Variants in CSMD1 observed in about 807,000 individuals in gnomAD.
CSMD1 encodes the protein CUB and sushi domain-containing protein 1.
Under a neutral mutation model 417.5 loss-of-function variants are expected in CSMD1, and 213 were observed. The observed-to-expected ratio is 0.51, with a 90% CI of 0.46 to 0.57. CSMD1 has a LOEUF of 0.57. CSMD1 is among the 20% of genes least tolerant of loss of function. CSMD1 has a pLI of 0.00. For missense variants in CSMD1, 6,923 were observed against 4,529.7 expected, an observed-to-expected ratio of 1.53 and a Z score of -15.17; for synonymous variants, 2,862 against 1,736.8, an observed-to-expected ratio of 1.65 and a Z score of -16.11.
At chr8:3,994,393 C>T (rs919118350) in intron 5 of CSMD1, among the ~76,000 whole-genome samples, 1 of 140,404 alleles carries the variant, frequency 7.1e-6, no homozygotes, top group Non-Finnish European at 1.5e-5. Context: ...AATTTTCTTT[C>T]TTCTTGATAT....
chr8:4,979,151 A>C (rs974036889), intron 1 of CSMD1, among the ~76,000 whole-genome samples: 2 of 152,182 alleles, frequency 1.3e-5, no homozygotes, highest in African/African-American at 4.8e-5. Context: ...TATTCAAGCT[A>C]AATTTCATGT....
intron 5 of CSMD1, among the ~76,000 whole-genome samples, chr8:3,906,961 A>G (rs1426980807): frequency 6.6e-6 from 1 of 152,224 alleles, no homozygotes; most frequent in Non-Finnish European, 1.5e-5. Flanking sequence ...AATACCAGTT[A>G]TCAGACAACT....
At chr8:4,661,618 A>C (rs1336047254) in intron 1 of CSMD1, among the ~76,000 whole-genome samples, 2 of 152,192 alleles carry the variant, frequency 1.3e-5, no homozygotes, top group East Asian at 3.9e-4. Context: ...TGGCTTTGCA[A>C]GATGTTACCG....
chr8:4,193,563 A>C (rs1320427962), intron 3 of CSMD1, among the ~76,000 whole-genome samples: 1 of 152,084 alleles, frequency 6.6e-6, no homozygotes, highest in Non-Finnish European at 1.5e-5. Context: ...AGGCTGTGGG[A>C]AAACAAATGA....
intron 25 of CSMD1, among the ~76,000 whole-genome samples, chr8:3,285,821 G>GTA (rs752990851): frequency 0.02 from 2,918 of 148,852 alleles, 37 homozygotes; most frequent in East Asian, 0.03. Flanking sequence ...CCCCATTTGT[G>GTA]TATATATATA....
chr8:3,644,377 G>C (rs556342119), intron 7 of CSMD1, among the ~76,000 whole-genome samples: 15 of 152,312 alleles, frequency 9.8e-5, no homozygotes, highest in Admixed American at 9.1e-4. Context: ...GCAGGTGCGA[G>C]TGAGACCCTG....
Position 2,962,716 on chromosome 8 carries a change from TTC to T in CSMD1, c.9455-79_9455-78del, listed in dbSNP as rs1803606243. The T allele has an allele frequency of 2.9e-5, 42 of 1,431,584 alleles. No individual in the cohort carries two copies. In the East Asian group the frequency reaches 9.4e-4, roughly 32 times the overall value. 88.7% of individuals were successfully genotyped at this position (1,431,584 alleles called of 1,614,324 possible). A position where few individuals can be genotyped will look rare whatever the true frequency, so the allele number is the denominator to read the frequency against. On this transcript the variant is annotated intron_variant, in intron 60 of 69. Transcript: ENST00000635120. ...TCACCAATTGAGCTTGGTAACTAGT[TTC>T]TGTTAAATCTTTAGCTTTAACTATT...
intron 2 of CSMD1, among the ~76,000 whole-genome samples, chr8:4,515,489 T>C (rs775190413): frequency 6.6e-6 from 1 of 152,150 alleles, no homozygotes; most frequent in Non-Finnish European, 1.5e-5. Context: ...TCTAGAAATA[T>C]GAGCTTAAAG....
At chr8:3,837,600 C>T (rs1247871166) in intron 5 of CSMD1, among the ~76,000 whole-genome samples, 1 of 152,156 alleles carries the variant, frequency 6.6e-6, no homozygotes, top group African/African-American at 2.4e-5. Context: ...GTTTAGAAGT[C>T]TTAATAGAAA....
chr8:4,798,260 G>C (rs1798088079), intron 1 of CSMD1, among the ~76,000 whole-genome samples: 1 of 152,144 alleles, frequency 6.6e-6, no homozygotes, highest in Non-Finnish European at 1.5e-5. Context: ...AGAACATGCG[G>C]TGTTTGTTTT....
chr8:4,968,106 C>A (rs1024865220), intron 1 of CSMD1, among the ~76,000 whole-genome samples: 3 of 152,110 alleles, frequency 2.0e-5, no homozygotes, highest in South Asian at 4.2e-4. Context: ...GATTTCCATT[C>A]AAATATGAAA....
chr8:3,953,508 G>A (rs750229177), intron 5 of CSMD1, among the ~76,000 whole-genome samples: 2 of 152,116 alleles, frequency 1.3e-5, no homozygotes, highest in Non-Finnish European at 2.9e-5. Context: ...GGGTTTCACT[G>A]GGAAAAGATA....
At chr8:3,428,965 T>A (rs270063) in intron 12 of CSMD1, among the ~76,000 whole-genome samples, 6 of 152,026 alleles carry the variant, frequency 3.9e-5, no homozygotes, top group Admixed American at 1.3e-4. Flanking sequence ...ATCATCTCAC[T>A]TTTACGGAGA....
At chr8:4,929,849 ATTTAAGTT>A (rs1799659358) in intron 1 of CSMD1, among the ~76,000 whole-genome samples, 1 of 152,184 alleles carries the variant, frequency 6.6e-6, no homozygotes, top group Non-Finnish European at 1.5e-5. Context: ...CCATTGGCAA[ATTTAAGTT>A]TTTACAAAGG....
intron 7 of CSMD1, among the ~76,000 whole-genome samples, chr8:3,618,636 C>T (rs1360683424): frequency 1.3e-5 from 2 of 152,016 alleles, no homozygotes; most frequent in Non-Finnish European, 2.9e-5. Context: ...AGCTCCAGAC[C>T]TGTATTTCCC....
chr8:4,154,478 G>C (rs980726560), intron 3 of CSMD1, among the ~76,000 whole-genome samples: 3 of 152,112 alleles, frequency 2.0e-5, no homozygotes, highest in African/African-American at 2.4e-5. Flanking sequence ...GAAGGAGAAT[G>C]GTTTACCCCA....
At chr8:4,026,012 A>AT (rs35864714) in intron 4 of CSMD1, among the ~76,000 whole-genome samples, 3 of 37,266 alleles carry the variant, frequency 8.1e-5, no homozygotes, top group African/African-American at 1.6e-4. Flanking sequence ...GGAACTCTAT[A>AT]AAAAAAAAAA....
At chr8:3,810,466 G>A (rs1801004111) in intron 5 of CSMD1, among the ~76,000 whole-genome samples, 1 of 152,124 alleles carries the variant, frequency 6.6e-6, no homozygotes, top group Non-Finnish European at 1.5e-5. Context: ...TGGGCACACT[G>A]CAGACTCTGA....
At chr8:3,060,185 G>A (rs539354121) in intron 49 of CSMD1, among the ~76,000 whole-genome samples, 6 of 140,282 alleles carry the variant, frequency 4.3e-5, no homozygotes, top group South Asian at 2.2e-4. Flanking sequence ...TCACTCTGTC[G>A]CCCAGGCTGG....
Sources: gnomAD v4.1 joint callset for allele counts (sites outside exome capture counted in the v4.1 genomes callset) on GRCh38, gnomAD v4.1.1 for gene constraint, MANE v1.5 for transcripts, NCBI Gene and HGNC (gene_info 2026-07-23, HGNC 2026-07-21) for gene names.